Variants in ZYX observed in about 807,000 individuals in gnomAD.
The protein encoded by ZYX is zyxin.
A neutral mutation model predicts 58.1 loss-of-function variants in ZYX; 37 were observed. The ratio of observed to expected loss-of-function variants is 0.64; its 90% CI spans 0.49 to 0.84. ZYX has a LOEUF of 0.84. ZYX is among the 40% of genes least tolerant of loss of function. ZYX has a pLI of 0.00. For missense variants in ZYX, 762 were observed against 761.6 expected, an observed-to-expected ratio of 1.00 and a Z score of -0.01; for synonymous variants, 324 against 321.1, an observed-to-expected ratio of 1.01 and a Z score of -0.10.
rs1804897634 is a variant in ZYX at position 143,387,282 on chromosome 7, G to C, written c.1024-937G>C. 6.6e-6 allele frequency among the ~76,000 whole-genome samples: 1 copy of C among 152,086 alleles called. No individual in the cohort carries two copies. Reference sequence around the variant, plus strand: ...CAGTGAAGCCAGGGCTGAGGGGAGAGGGGCTATGGGAGGAGGTAGCAGGGG... The same window carrying C: ...CAGTGAAGCCAGGGCTGAGGGGAGACGGGCTATGGGAGGAGGTAGCAGGGG... On this transcript the variant is annotated intron_variant, in intron 5 of 9. Coordinates refer to ENST00000322764, the MANE Select transcript of ZYX (RefSeq NM_003461.5). This position sits in a 1 kb window ranked among gnomAD's most constrained non-coding sequence, Gnocchi z 5.8.
At chr7:143,385,120 A>G (rs1243107039) in intron 5 of ZYX, among the ~76,000 whole-genome samples, 1 of 152,120 alleles carries the variant, frequency 6.6e-6, no homozygotes, top group African/African-American at 2.4e-5. Flanking sequence ...TGAGCTCCTC[A>G]GTGGGGTATT....
In ZYX at chr7:143,390,998, C is replaced by G; in HGVS notation, c.*316C>G. 1 of 375,856 alleles carries G rather than the reference C, an allele frequency of 2.7e-6. No homozygotes were observed. Among genetic ancestry groups the G allele is most frequent in the Non-Finnish European group, 4.9e-6 (1 of 202,578 alleles). The allele number at this position is 375,856 out of a possible 1,614,324, so 23.3% of individuals were successfully genotyped here. A position where few individuals can be genotyped will look rare whatever the true frequency, so the allele number is the denominator to read the frequency against. On this transcript the variant is annotated 3_prime_UTR_variant, in exon 10 of 10. Transcript: ENST00000322764. This position sits in a 1 kb window ranked among gnomAD's most constrained non-coding sequence, Gnocchi z 4.3. ...CGCCCTCGGCCGGCCCCCCGAGCAG[C>G]CTTTGTACTCTGCTTGCGGAGGGCT... is the stretch of plus-strand genomic sequence containing the variant.
intron 5 of ZYX, among the ~76,000 whole-genome samples, chr7:143,385,660 C>CTTTTTTTTTTTTTTTTTTTTTTTTTTTT (rs59995035): frequency 4.3e-5 from 3 of 68,968 alleles, no homozygotes; most frequent in Non-Finnish European, 7.7e-5. Context: ...TGTGGTATAT[C>CTTTTTTTTTTTTTTTTTTTTTTTTTTTT]TTTTTTTTTT....
At chr7:143,382,730 G>A (rs1374524386) in intron 4 of ZYX, 45 bp downstream of exon 4, 10 of 1,613,924 alleles carry the variant, frequency 6.2e-6, no homozygotes, top group Non-Finnish European at 8.5e-7. Flanking sequence ...GGGCCAGAGA[G>A]ACTGGGCATA....
intron 2 of ZYX, 94 bp downstream of exon 2, chr7:143,381,873 C>G (rs987243038): frequency 7.9e-7 from 1 of 1,261,850 alleles, no homozygotes; most frequent in African/African-American, 1.5e-5. Flanking sequence ...AGGTTGTTGC[C>G]GAGGGGGCTG....
At chr7:143,386,483 C>T (rs970864309) in intron 5 of ZYX, among the ~76,000 whole-genome samples, 14 of 151,884 alleles carry the variant, frequency 9.2e-5, no homozygotes, top group African/African-American at 2.7e-4. Flanking sequence ...GGAGGTCGCG[C>T]GGGTGCTGCA....
rs2116603226 is a variant in ZYX at position 143,390,809 on chromosome 7, C to T, written c.*127C>T. 1.4e-6 allele frequency: 1 copy of T among 736,944 alleles called. No homozygotes were observed. The highest frequency in any genetic ancestry group is 2.3e-6 in the Non-Finnish European group (1 of 434,956). 45.7% of individuals were successfully genotyped at this position (736,944 alleles called of 1,614,324 possible). A position where few individuals can be genotyped will look rare whatever the true frequency, so the allele number is the denominator to read the frequency against. The stretch of plus-strand genomic sequence containing the variant: ...CCTCCCATTTCCAACCCCTCCCTAG[C>T]ATCCCAGGTGCCCTGACCCAGGACC... On this transcript the variant is annotated 3_prime_UTR_variant, in exon 10 of 10. Coordinates refer to ENST00000322764, the MANE Select transcript of ZYX (RefSeq NM_003461.5). This position sits in a 1 kb window ranked among gnomAD's most constrained non-coding sequence, Gnocchi z 4.3.
Position 143,387,754 on chromosome 7 carries a change from G to A in ZYX, c.1024-465G>A, listed in dbSNP as rs193176963. The A allele has an allele frequency of 6.4e-6, 3 of 471,850 alleles. No individual in the cohort carries two copies. The highest frequency in any genetic ancestry group is 2.0e-5 in the African/African-American group (1 of 50,230). The allele number at this position is 471,850 out of a possible 1,614,324, so 29.2% of individuals were successfully genotyped here. ...ATTCCTGCCTGTGTTGTATCCTCAC[G>A]CTGACAGGGGCTGCTCAGCAGCAGG... On this transcript the variant is annotated intron_variant, in intron 5 of 9. Coordinates refer to ENST00000322764, the MANE Select transcript of ZYX (RefSeq NM_003461.5). The surrounding 1 kb of genome is among the most constrained non-coding windows in gnomAD (Gnocchi z 5.8).
At chr7:143,383,859 G>A (rs1182866856) in intron 5 of ZYX, among the ~76,000 whole-genome samples, 1 of 152,210 alleles carries the variant, frequency 6.6e-6, no homozygotes, top group African/African-American at 2.4e-5. Flanking sequence ...CAGCCTTCAG[G>A]TGTCAGATGG....
chr7:143,381,815 G>C, intron 2 of ZYX, 36 bp downstream of exon 2: 1 of 1,488,958 alleles, frequency 6.7e-7, no homozygotes, highest in Non-Finnish European at 9.0e-7. Flanking sequence ...ACCCCGGCAG[G>C]AGCCGGGGTG....
chr7:143,388,926 T>A lies in ZYX; in HGVS notation c.1474T>A (p.Cys492Ser). ...FIVDQANRPH[C>S]VPDYHKQYAP... ...CGTGGACCAGGCCAACCGGCCCCAC[T>A]GTGTCCCCGACTACCACAAGTGAGG... The change falls in exon 8 of 10, where the codon TGT (cysteine) becomes AGT (serine). Residue 492 changes from cysteine to serine, a missense_variant. Coordinates refer to ENST00000322764, the MANE Select transcript of ZYX (RefSeq NM_003461.5). The surrounding 1 kb of genome is among the most constrained non-coding windows in gnomAD (Gnocchi z 7.5). The A allele has an allele frequency of 6.2e-7, 1 of 1,611,342 alleles. No individual in the cohort carries two copies. Among genetic ancestry groups the A allele is most frequent in the Non-Finnish European group, 8.5e-7 (1 of 1,179,320 alleles).
chr7:143,383,108 C>T lies in ZYX; in HGVS notation c.809C>T (p.Thr270Ile), dbSNP rs746771940. 7 of 1,614,106 alleles carry T rather than the reference C, an allele frequency of 4.3e-6. No individual in the cohort carries two copies. The South Asian group carries it at 6.6e-5, about 15-fold the overall frequency. ...PAPAPKFSPV[T>I]PKFTPVASKF... ...CCAGCCCCTAAGTTTTCTCCAGTGACTCCTAAGTTTACTCCTGTGGCTTCC... is the reference window on the plus strand; with the variant it reads ...CCAGCCCCTAAGTTTTCTCCAGTGATTCCTAAGTTTACTCCTGTGGCTTCC... Residue 270 changes from threonine (T) to isoleucine (I), a missense_variant, in exon 5 of 10, where the codon ACT becomes ATT. Coordinates refer to ENST00000322764, the MANE Select transcript of ZYX (RefSeq NM_003461.5).
chr7:143,385,448 GAT>G (rs1217044172), intron 5 of ZYX, among the ~76,000 whole-genome samples: 2 of 151,620 alleles, frequency 1.3e-5, no homozygotes, highest in Admixed American at 6.6e-5. Flanking sequence ...AGTGGCGTGT[GAT>G]GTGTGTAGTG....
At position 143,387,245 on chromosome 7, in the gene ZYX, C is replaced by T. The variant is rs993266125; in HGVS notation, c.1024-974C>T. On this transcript the variant is annotated intron_variant, in intron 5 of 9. Coordinates refer to ENST00000322764, the MANE Select transcript of ZYX (RefSeq NM_003461.5). The surrounding 1 kb of genome is among the most constrained non-coding windows in gnomAD (Gnocchi z 5.8). ...CGCAACTCTGGGTACAGATGGGGGT[C>T]GGGGTGAGGGGCAGTGAAGCCAGGG... Among the ~76,000 whole-genome samples the T allele has an allele frequency of 1.3e-5, 2 of 150,252 alleles. No individual in the cohort carries two copies. Among genetic ancestry groups the T allele is most frequent in the African/African-American group, 2.5e-5 (1 of 40,636 alleles).
At chr7:143,383,822 G>A (rs908276707) in intron 5 of ZYX, among the ~76,000 whole-genome samples, 1 of 152,196 alleles carries the variant, frequency 6.6e-6, no homozygotes, top group Admixed American at 6.5e-5. Flanking sequence ...GTAGGACATG[G>A]GAGGGAAGAG....
Position 143,389,494 on chromosome 7 carries a change from G to A in ZYX, c.1494-363G>A, listed in dbSNP as rs1335228706. On this transcript the variant is annotated intron_variant, in intron 8 of 9. Transcript: ENST00000322764. This position sits in a 1 kb window ranked among gnomAD's most constrained non-coding sequence, Gnocchi z 5.6. ...GTCAGGGCAGAGGCAACGTGCATGG[G>A]GGTGGGAGGATTGGGGGAAGGTGAG... Among the ~76,000 whole-genome samples the A allele has an allele frequency of 6.6e-6, 1 of 152,152 alleles. No homozygotes were observed. Among genetic ancestry groups the A allele is most frequent in the African/African-American group, 2.4e-5 (1 of 41,438 alleles).
intron 4 of ZYX, 51 bp downstream of exon 4, chr7:143,382,736 G>C: frequency 6.2e-7 from 1 of 1,613,976 alleles, no homozygotes; most frequent in Non-Finnish European, 8.5e-7. Context: ...GAGAGACTGG[G>C]CATAGAACTA....
In ZYX at chr7:143,384,105, C is replaced by T. The variant is rs536417193; in HGVS notation, c.1023+783C>T. On this transcript the variant is annotated intron_variant, in intron 5 of 9. Coordinates refer to ENST00000322764, the MANE Select transcript of ZYX (RefSeq NM_003461.5). This position sits in a 1 kb window ranked among gnomAD's most constrained non-coding sequence, Gnocchi z 4.9. ...TGCCTTCTAGTTCAGGAAATAAGAT[C>T]GTCCAATTTCTGGTGACGAAGATGA... 3 of 448,444 alleles carry T rather than the reference C, an allele frequency of 6.7e-6. No homozygotes were observed. The highest frequency in any genetic ancestry group is 1.4e-5 in the Non-Finnish European group (3 of 216,070). The allele number at this position is 448,444 out of a possible 1,614,324, so 27.8% of individuals were successfully genotyped here. A position where few individuals can be genotyped will look rare whatever the true frequency, so the allele number is the denominator to read the frequency against.
Position 143,381,363 on chromosome 7 carries a change from G to T in ZYX, c.-62G>T. 1.7e-6 allele frequency: 2 copies of T among 1,157,970 alleles called. No individual in the cohort carries two copies. 71.7% of individuals were successfully genotyped at this position (1,157,970 alleles called of 1,614,324 possible). On this transcript the variant is annotated 5_prime_UTR_variant, in exon 1 of 10. Transcript: ENST00000322764. ...CCGGGACGCAGAGTCTGCGGACCCGGCGCCGAGGCGGCCACCCGAGACGCG... is the reference window on the plus strand; with the variant it reads ...CCGGGACGCAGAGTCTGCGGACCCGTCGCCGAGGCGGCCACCCGAGACGCG...
Sources: gnomAD v4.1 joint callset for allele counts (sites outside exome capture counted in the v4.1 genomes callset) on GRCh38, gnomAD v4.1.1 for gene constraint, Gnocchi (gnomAD v3.1) non-coding constraint, MANE v1.5 for transcripts, NCBI Gene and HGNC (gene_info 2026-07-23, HGNC 2026-07-21) for gene names.